The following JPH1 variants were observed in gnomAD, a reference collection of about 807,000 sequenced individuals.
The protein encoded by JPH1 is junctophilin-1.
In JPH1, 12 loss-of-function variants were observed where a neutral mutation model predicts 53.6. The ratio of observed to expected loss-of-function variants is 0.22; its 90% CI spans 0.14 to 0.36. The LOEUF (loss-of-function observed/expected upper bound fraction) is 0.36. JPH1 is among the 10% of genes least tolerant of loss of function. The probability of loss-of-function intolerance (pLI) is 1.00; values close to 1 mark genes in which losing one functional copy is unlikely to be tolerated. For synonymous variants in JPH1, 375 were observed against 363.8 expected, an observed-to-expected ratio of 1.03 and a Z score of -0.35; for missense variants, 808 against 905.5, an observed-to-expected ratio of 0.89 and a Z score of 1.38.
At chr8:74,283,727 C>T (rs1277275334) in intron 2 of JPH1, among the ~76,000 whole-genome samples, 1 of 152,184 alleles carries the variant, frequency 6.6e-6, no homozygotes, top group African/African-American at 2.4e-5. Flanking sequence ...ACACAGCTCC[C>T]CCTCCCCAAG....
In JPH1 at chr8:74,311,447, T is replaced by C. The variant is rs183553660; in HGVS notation, c.1139+3414A>G. Among the ~76,000 whole-genome samples, 131 of 152,330 alleles carry C rather than the reference T, an allele frequency of 8.6e-4. 1 individual carries two copies. The highest frequency in any genetic ancestry group is 3.1e-3 in the African/African-American group (130 of 41,584). ...AGAGCCATGGTTAATGACAATAATG[T>C]AGCTAAAAGTCCTATCTCCCAGGCA... On this transcript the variant is annotated intron_variant, in intron 2 of 5. Transcript: ENST00000342232.
In JPH1 at chr8:74,321,041, G is replaced by T. The variant is rs746817547; in HGVS notation, c.247C>A (p.Arg83=). The T allele has an allele frequency of 6.2e-7, 1 of 1,613,162 alleles. No individual in the cohort carries two copies. The highest frequency in any genetic ancestry group is 8.5e-7 in the Non-Finnish European group (1 of 1,179,682). Residue 83 remains arginine (R), a synonymous_variant, in exon 1 of 6, where the codon CGG becomes AGG. Transcript: ENST00000342232. This position sits in a 1 kb window ranked among gnomAD's most constrained non-coding sequence, Gnocchi z 4.3. The part of the protein sequence containing the change: ...GVETKGKWMY[R]GEWSHGFKGR... ...TTGAAACCATGTGACCACTCCCCCCGGTACATCCACTTGCCCTTCGTCTCC... is the reference window on the plus strand; with the variant it reads ...TTGAAACCATGTGACCACTCCCCCCTGTACATCCACTTGCCCTTCGTCTCC...
At chr8:74,249,355 TA>T (rs1255102071) in intron 3 of JPH1, among the ~76,000 whole-genome samples, 5 of 152,154 alleles carry the variant, frequency 3.3e-5, no homozygotes, top group African/African-American at 4.8e-5. Flanking sequence ...TGAAAGAGTC[TA>T]AAAAAATTGT....
At chr8:74,306,085 CAA>C (rs1244153921) in intron 2 of JPH1, among the ~76,000 whole-genome samples, 1 of 152,254 alleles carries the variant, frequency 6.6e-6, no homozygotes, top group East Asian at 1.9e-4. Flanking sequence ...TGTCATAACA[CAA>C]AGTGTTCCCA....
At chr8:74,305,419 A>G (rs1807804462) in intron 2 of JPH1, among the ~76,000 whole-genome samples, 1 of 152,272 alleles carries the variant, frequency 6.6e-6, no homozygotes, top group South Asian at 2.1e-4. Flanking sequence ...ATGCAATCCC[A>G]TTTTGGGGGC....
In JPH1 at chr8:74,244,884, T is replaced by C. The variant is rs755306620; in HGVS notation, c.1550A>G (p.Lys517Arg). 32 of 1,614,048 alleles carry C rather than the reference T, an allele frequency of 2.0e-5. No individual in the cohort carries two copies. The African/African-American group carries it at 3.6e-4, about 18-fold the overall frequency. The change falls in exon 4 of 6, where the codon AAG becomes AGG. Residue 517 changes from lysine (K) to arginine (R), a missense_variant. Lys to Arg is a conservative substitution (Grantham distance 26). Coordinates refer to ENST00000342232, the MANE Select transcript of JPH1 (RefSeq NM_020647.4). ...CGCTCCTGCCTCCTTCGTGGGAGCC[T>C]TTGACATCAAGGGCTTATTGACAAT... ...TAIVNKPLMS[K>R]APTKEAGAVV...
At chr8:74,278,041 A>G (rs1806900205) in intron 2 of JPH1, among the ~76,000 whole-genome samples, 1 of 152,164 alleles carries the variant, frequency 6.6e-6, no homozygotes, top group African/African-American at 2.4e-5. Flanking sequence ...CTAAACAAAA[A>G]GAGGCAATAT....
chr8:74,290,625 A>C (rs1425149904), intron 2 of JPH1, among the ~76,000 whole-genome samples: 2 of 152,206 alleles, frequency 1.3e-5, no homozygotes, highest in Non-Finnish European at 2.9e-5. Flanking sequence ...AATTGGAAAA[A>C]ACTACTTTAA....
At chr8:74,278,973 ACACACG>A (rs1361084439) in intron 2 of JPH1, among the ~76,000 whole-genome samples, 1 of 141,052 alleles carries the variant, frequency 7.1e-6, no homozygotes, top group Non-Finnish European at 1.5e-5. Context: ...ACACAGAAAC[ACACACG>A]CACACGCGCG....
At chr8:74,259,313 G>T in intron 3 of JPH1, 72 bp downstream of exon 3, 1 of 1,161,702 alleles carries the variant, frequency 8.6e-7, no homozygotes, top group Non-Finnish European at 1.3e-6. Flanking sequence ...TCTTTATGTT[G>T]AAAGGAAAAG....
At chr8:74,314,797 A>G in intron 2 of JPH1, 64 bp downstream of exon 2, 2 of 1,558,702 alleles carry the variant, frequency 1.3e-6, no homozygotes, top group Admixed American at 2.0e-5. Flanking sequence ...ATAGACAAAC[A>G]TAATATTTGA....
intron 2 of JPH1, among the ~76,000 whole-genome samples, chr8:74,280,713 T>G (rs1806988065): frequency 6.6e-6 from 1 of 152,328 alleles, no homozygotes; most frequent in African/African-American, 2.4e-5. Context: ...AAAATCTATC[T>G]TAAGTTCTCA....
rs912492786 is a variant in JPH1, at chr8:74,270,184, A to C, written c.1140-10681T>G. Among the ~76,000 whole-genome samples, 3 of 152,226 alleles carry C rather than the reference A, an allele frequency of 2.0e-5. No homozygotes were observed. In the East Asian group the frequency reaches 5.8e-4, roughly 29 times the overall value. ...AGACTGTAGGACAGATTTGGTTTTC[A>C]TCAAGGTTAGGCTTTAGCAGGAACA... On this transcript the variant is annotated intron_variant, in intron 2 of 5. Coordinates refer to ENST00000342232, the MANE Select transcript of JPH1 (RefSeq NM_020647.4).
At position 74,319,227 on chromosome 8, in the gene JPH1, T is replaced by C. The variant is rs148862982; in HGVS notation, c.379+1682A>G. ...AAGAGAGTGTGTTTAATGAATAGTA[T>C]CTTTAAAAGGAGACGATTTTTAACC... On this transcript the variant is annotated intron_variant, in intron 1 of 5. Coordinates refer to ENST00000342232, the MANE Select transcript of JPH1 (RefSeq NM_020647.4). Among the ~76,000 whole-genome samples, 43 of 152,296 alleles carry C rather than the reference T, an allele frequency of 2.8e-4. No homozygotes were observed. In the East Asian group the frequency reaches 4.8e-3, roughly 17 times the overall value.
intron 2 of JPH1, among the ~76,000 whole-genome samples, chr8:74,293,072 T>G (rs2131435480): frequency 6.6e-6 from 1 of 152,316 alleles, no homozygotes; most frequent in East Asian, 1.9e-4. Context: ...TCCTCATATT[T>G]GTATGCAAAG....
chr8:74,277,989 T>C (rs1279599316), intron 2 of JPH1, among the ~76,000 whole-genome samples: 11 of 152,222 alleles, frequency 7.2e-5, no homozygotes, highest in Admixed American at 3.3e-4. Context: ...GAGTTTTAAG[T>C]ATATACAAGA....
intron 3 of JPH1, among the ~76,000 whole-genome samples, chr8:74,251,034 C>T (rs969757845): frequency 1.3e-4 from 20 of 152,278 alleles, no homozygotes; most frequent in African/African-American, 4.3e-4. Context: ...GAATCAAATA[C>T]GTAATGGCAT....
chr8:74,259,916 A>G (rs1806343542), intron 2 of JPH1, among the ~76,000 whole-genome samples: 2 of 152,376 alleles, frequency 1.3e-5, no homozygotes, highest in Admixed American at 6.5e-5. Context: ...TAAGAATTTG[A>G]CTAAGAAAGA....
intron 2 of JPH1, among the ~76,000 whole-genome samples, chr8:74,271,617 T>C (rs993375309): frequency 6.6e-6 from 1 of 152,252 alleles, no homozygotes; most frequent in African/African-American, 2.4e-5. Context: ...TGAGGCTCTC[T>C]AGGATCCTGG....
Sources: gnomAD v4.1 joint callset for allele counts (sites outside exome capture counted in the v4.1 genomes callset) on GRCh38, gnomAD v4.1.1 for gene constraint, Gnocchi (gnomAD v3.1) non-coding constraint, MANE v1.5 for transcripts, NCBI Gene and HGNC (gene_info 2026-07-23, HGNC 2026-07-21) for gene names.